THADA: variants seen among roughly 807,000 people sequenced by gnomAD.
The protein encoded by THADA is tRNA (32-2'-O)-methyltransferase regulator THADA.
Under a neutral mutation model 219.8 loss-of-function variants are expected in THADA, and 213 were observed. The observed-to-expected ratio is 0.97, with a 90% CI of 0.87 to 1.09. The LOEUF is 1.09. Among genes scored for constraint, THADA ranks in the 50% least tolerant of loss-of-function variants. The pLI, the probability that THADA is intolerant of heterozygous loss-of-function variation, is 0.00. For missense variants in THADA, 2,956 were observed against 2,311.3 expected (o/e 1.28, Z -5.72); for synonymous variants, 1,018 against 828.9 (o/e 1.23, Z -3.92).
intron 35 of THADA, among the ~76,000 whole-genome samples, chr2:43,286,324 G>T (rs1272564122): frequency 6.6e-6 from 1 of 152,174 alleles, no homozygotes; most frequent in African/African-American, 2.4e-5. Context: ...TATACTGAAA[G>T]CAGTGGGAAC....
intron 15 of THADA, chr2:43,566,399 T>C (rs959036473): frequency 2.9e-6 from 2 of 691,526 alleles, no homozygotes. Flanking sequence ...TTGGATACTA[T>C]CTTAAAACAG....
chr2:43,266,962 T>A (rs1477211625), intron 36 of THADA, among the ~76,000 whole-genome samples: 1 of 152,172 alleles, frequency 6.6e-6, no homozygotes, highest in Admixed American at 6.5e-5. Context: ...CTCCTTTTTT[T>A]TGGTCTCTAC....
intron 29 of THADA, among the ~76,000 whole-genome samples, chr2:43,381,935 T>C (rs188525858): frequency 2.6e-5 from 4 of 152,196 alleles, no homozygotes; most frequent in African/African-American, 4.8e-5. Context: ...GGATACGACA[T>C]GATGAGAATG....
At chr2:43,279,135 C>G (rs192122476) in intron 36 of THADA, among the ~76,000 whole-genome samples, 1 of 152,138 alleles carries the variant, frequency 6.6e-6, no homozygotes, top group Non-Finnish European at 1.5e-5. Context: ...TTTTAGCTTT[C>G]GTAGCATTTG....
At chr2:43,497,548 G>A (rs1688417147) in intron 25 of THADA, among the ~76,000 whole-genome samples, 1 of 152,148 alleles carries the variant, frequency 6.6e-6, no homozygotes, top group African/African-American at 2.4e-5. Flanking sequence ...GTCAGGAAGG[G>A]AGGGAGAACA....
chr2:43,322,939 G>C (rs965673316), intron 30 of THADA, among the ~76,000 whole-genome samples: 7 of 151,958 alleles, frequency 4.6e-5, no homozygotes, highest in African/African-American at 1.7e-4. Context: ...ACCTGCCTCG[G>C]CCTCCCAAAG....
intron 21 of THADA, 80 bp downstream of exon 21, chr2:43,541,079 T>C (rs1695233029): frequency 7.3e-7 from 1 of 1,363,388 alleles, no homozygotes; most frequent in African/African-American, 1.5e-5. Flanking sequence ...TAAACCTTTT[T>C]TTAGAGTTGG....
At chr2:43,372,485 G>T (rs1670914964) in intron 29 of THADA, among the ~76,000 whole-genome samples, 1 of 152,126 alleles carries the variant, frequency 6.6e-6, no homozygotes, top group Non-Finnish European at 1.5e-5. Context: ...TAATGATGAA[G>T]TGACAGGTGA....
intron 12 of THADA, 85 bp downstream of exon 12, chr2:43,572,729 G>C: frequency 8.0e-7 from 1 of 1,250,192 alleles, no homozygotes; most frequent in Non-Finnish European, 1.1e-6. Context: ...AACAGTTCAG[G>C]ATACAATGTA....
Position 43,586,383 on chromosome 2 carries a change from C to T in THADA, c.533+18G>A. The T allele has an allele frequency of 6.4e-7, 1 of 1,561,926 alleles. No homozygotes were observed. On this transcript the variant is annotated intron_variant, in intron 7 of 37. Transcript: ENST00000405975. Reference sequence around the variant, plus strand: ...AACTGCAAGTGTGCACACACAAATGCCAACATATAGCACTTGCCTATTTTC... The same window carrying T: ...AACTGCAAGTGTGCACACACAAATGTCAACATATAGCACTTGCCTATTTTC...
rs1468214964 is a variant in THADA, at chr2:43,347,160, G to A, written c.4228-2923C>T. Among the ~76,000 whole-genome samples the A allele has an allele frequency of 2.6e-5, 4 of 152,246 alleles. 1 individual carries two copies. The highest frequency in any genetic ancestry group is 3.9e-4 in the East Asian group (2 of 5,180). Reference sequence around the variant, plus strand: ...GTGGAAGAGCATGGATTTTGAAGCCGGGCAGAGATAGGTGTAAACCAGTTA... The same window carrying A: ...GTGGAAGAGCATGGATTTTGAAGCCAGGCAGAGATAGGTGTAAACCAGTTA... On this transcript the variant is annotated intron_variant, in intron 29 of 37. Transcript: ENST00000405975.
At chr2:43,345,978 C>T (rs1377402986) in intron 29 of THADA, among the ~76,000 whole-genome samples, 1 of 152,136 alleles carries the variant, frequency 6.6e-6, no homozygotes, top group Non-Finnish European at 1.5e-5. Flanking sequence ...GAAAATCAGC[C>T]TACAATTCTG....
Position 43,404,289 on chromosome 2 carries a change from C to A in THADA, c.4059-6150G>T, listed in dbSNP as rs539993168. Among the ~76,000 whole-genome samples, 6 of 152,140 alleles carry A rather than the reference C, an allele frequency of 3.9e-5. No individual in the cohort carries two copies. In the East Asian group the frequency reaches 1.2e-3, roughly 29 times the overall value. ...CTCACTGCAGCCTTGAATTCCTGGG[C>A]TCCAGTGATCCTCCCACCTCAGCCT... On this transcript the variant is annotated intron_variant, in intron 28 of 37. Transcript: ENST00000405975.
At chr2:43,465,648 C>T (rs766282717) in intron 26 of THADA, among the ~76,000 whole-genome samples, 48 of 152,310 alleles carry the variant, frequency 3.2e-4, no homozygotes, top group Middle Eastern at 6.8e-3. Context: ...ATCCTTCATA[C>T]CTCACTTAAA....
At chr2:43,354,830 G>A (rs911158046) in intron 29 of THADA, among the ~76,000 whole-genome samples, 1 of 152,180 alleles carries the variant, frequency 6.6e-6, no homozygotes, top group Non-Finnish European at 1.5e-5. Context: ...GGGACCCAGA[G>A]GGAGGTAATT....
rs199565439 is a variant in THADA at position 43,560,190 on chromosome 2, G to C, written c.2463+44C>G. The C allele has an allele frequency of 4.2e-5, 65 of 1,538,466 alleles. No homozygotes were observed. In the African/African-American group the frequency reaches 8.6e-4, roughly 20 times the overall value. ...AGATTGCTTTATCTGCTGATAGAAAGTTTCCATGCATATACCACATTTATA... is the reference window on the plus strand; with the variant it reads ...AGATTGCTTTATCTGCTGATAGAAACTTTCCATGCATATACCACATTTATA... On this transcript the variant is annotated intron_variant, in intron 16 of 37. Transcript: ENST00000405975.
At position 43,231,238 on chromosome 2, in the gene THADA, A is replaced by G; in HGVS notation, c.5572T>C (p.Ser1858Pro). 6.2e-7 allele frequency: 1 copy of G among 1,613,802 alleles called. No individual in the cohort carries two copies. ...CKHLFCLLSK[S>P]GWRPPSPEML... is the part of the protein sequence containing the mutation. ...TCAGGGCTTGGGGGACGCCAGCCGGACTTTGAGAGGAGACAGAAGAGGTGC... is the reference window on the plus strand; with the variant it reads ...TCAGGGCTTGGGGGACGCCAGCCGGGCTTTGAGAGGAGACAGAAGAGGTGC... The change falls in exon 38 of 38, where the codon TCC (serine) becomes CCC (proline). Residue 1858 changes from serine to proline, a missense_variant. Physicochemically the swap from Ser to Pro is moderately conservative, Grantham distance 74 (BLOSUM62 -1). Transcript: ENST00000405975.
At chr2:43,421,793 T>C (rs1412288069) in intron 28 of THADA, among the ~76,000 whole-genome samples, 1 of 152,260 alleles carries the variant, frequency 6.6e-6, no homozygotes, top group Non-Finnish European at 1.5e-5. Flanking sequence ...TTACAGAAGT[T>C]ACTTAAATGC....
At chr2:43,492,692 G>A (rs762016084) in intron 25 of THADA, among the ~76,000 whole-genome samples, 1 of 152,104 alleles carries the variant, frequency 6.6e-6, no homozygotes, top group Non-Finnish European at 1.5e-5. Flanking sequence ...TTAGCCATGT[G>A]ACCATGAAAA....
Sources: allele counts gnomAD v4.1 joint callset (sites outside exome capture counted in the v4.1 genomes callset), GRCh38; gene constraint gnomAD v4.1.1; transcripts MANE v1.5; gene names NCBI Gene and HGNC (gene_info 2026-07-23, HGNC 2026-07-21).